The following PCCA variants were observed in gnomAD, a reference collection of about 807,000 sequenced individuals.
The protein encoded by PCCA is propionyl-CoA carboxylase alpha chain, mitochondrial.
Under a neutral mutation model 101.3 loss-of-function variants are expected in PCCA, and 74 were observed. The observed-to-expected ratio is 0.73, with a 90% CI of 0.61 to 0.89. PCCA has a LOEUF of 0.89. Among genes scored for constraint, PCCA ranks in the 40% least tolerant of loss-of-function variants. The probability of loss-of-function intolerance (pLI) is 0.00; values close to 1 mark genes in which losing one functional copy is unlikely to be tolerated. For synonymous variants in PCCA, 294 were observed against 313.6 expected (o/e 0.94, Z 0.66); for missense variants, 891 against 907.0 (o/e 0.98, Z 0.23).
chr13:100,100,710 C>G (rs548489827), intron 1 of PCCA, among the ~76,000 whole-genome samples: 2 of 152,194 alleles, frequency 1.3e-5, no homozygotes, highest in Non-Finnish European at 2.9e-5. Flanking sequence ...CAAACCAGTT[C>G]AGACTTGTCG....
intron 6 of PCCA, among the ~76,000 whole-genome samples, chr13:100,161,855 C>T (rs886232270): frequency 1.3e-5 from 2 of 152,102 alleles, no homozygotes; most frequent in African/African-American, 2.4e-5. Flanking sequence ...ATTTTAATGA[C>T]ATAAATTTTC....
At chr13:100,100,360 G>A (rs966604701) in intron 1 of PCCA, among the ~76,000 whole-genome samples, 1 of 152,144 alleles carries the variant, frequency 6.6e-6, no homozygotes, top group Non-Finnish European at 1.5e-5. Context: ...TTTTGCACAC[G>A]CTGACCTCTC....
chr13:100,507,392 G>A (rs906909480), intron 21 of PCCA, among the ~76,000 whole-genome samples: 1 of 152,138 alleles, frequency 6.6e-6, no homozygotes, highest in Non-Finnish European at 1.5e-5. Context: ...CTCCAGGTAG[G>A]CTGCTGTCAT....
intron 20 of PCCA, among the ~76,000 whole-genome samples, chr13:100,437,311 T>A (rs2152910249): frequency 6.6e-6 from 1 of 152,302 alleles, no homozygotes; most frequent in East Asian, 1.9e-4. Flanking sequence ...TGGATAACTT[T>A]GAATATGGAG....
At chr13:100,181,056 G>A (rs1216202052) in intron 6 of PCCA, among the ~76,000 whole-genome samples, 1 of 152,176 alleles carries the variant, frequency 6.6e-6, no homozygotes, top group African/African-American at 2.4e-5. Flanking sequence ...CCACCACCTT[G>A]TGAATGAGAG....
intron 6 of PCCA, among the ~76,000 whole-genome samples, chr13:100,188,675 GC>G (rs879638684): frequency 6.6e-6 from 1 of 152,176 alleles, no homozygotes; most frequent in Non-Finnish European, 1.5e-5. Flanking sequence ...ATTCCCAATA[GC>G]AGTGTAAAAG....
rs550317879 is a variant in PCCA, at chr13:100,091,146, T to C, written c.105+1921T>C. ...TGGCAGGAGTCAGACCATCTGGCTC[T>C]TATAGATCACATTATGAGGTTTGGT... is the stretch of plus-strand genomic sequence containing the variant. On this transcript the variant is annotated intron_variant, in intron 1 of 23. Coordinates refer to ENST00000376285, the MANE Select transcript of PCCA (RefSeq NM_000282.4). 3.9e-5 allele frequency among the ~76,000 whole-genome samples: 6 copies of C among 152,204 alleles called. No individual in the cohort carries two copies. The East Asian group carries it at 9.7e-4, about 25-fold the overall frequency.
intron 22 of PCCA, among the ~76,000 whole-genome samples, chr13:100,520,905 T>G (rs111257273): frequency 2.0e-4 from 31 of 152,136 alleles, no homozygotes; most frequent in African/African-American, 7.2e-4. Context: ...TTTCTTTGTT[T>G]TCAACATTTT....
intron 20 of PCCA, among the ~76,000 whole-genome samples, chr13:100,449,025 T>C (rs538595037): frequency 6.6e-6 from 1 of 152,380 alleles, no homozygotes; most frequent in East Asian, 1.9e-4. Flanking sequence ...ACATCTCTTA[T>C]TAAGTGGAAT....
chr13:100,523,028 T>C (rs1289351243), intron 22 of PCCA, among the ~76,000 whole-genome samples: 3 of 152,218 alleles, frequency 2.0e-5, no homozygotes, highest in Non-Finnish European at 4.4e-5. Flanking sequence ...TTTTCCCCCG[T>C]TCTCTTCTTT....
chr13:100,463,347 T>G (rs1328046063), intron 21 of PCCA, among the ~76,000 whole-genome samples: 4 of 149,378 alleles, frequency 2.7e-5, no homozygotes, highest in South Asian at 2.1e-4. Flanking sequence ...TTTTTTTTTT[T>G]TTTTTTTTTT....
At chr13:100,465,338 G>T (rs2082433833) in intron 21 of PCCA, among the ~76,000 whole-genome samples, 1 of 152,166 alleles carries the variant, frequency 6.6e-6, no homozygotes, top group South Asian at 2.1e-4. Context: ...CAGTGTTCTG[G>T]ATCCTTTTCA....
At chr13:100,409,224 G>A in intron 19 of PCCA, among the ~76,000 whole-genome samples, 1 of 152,180 alleles carries the variant, frequency 6.6e-6, no homozygotes, top group East Asian at 1.9e-4. Flanking sequence ...TCCACCCTCA[G>A]AAATCTCAGG....
intron 6 of PCCA, among the ~76,000 whole-genome samples, chr13:100,196,885 C>T (rs1369778780): frequency 1.3e-5 from 2 of 152,130 alleles, no homozygotes; most frequent in African/African-American, 4.8e-5. Flanking sequence ...TTTTAATTTA[C>T]AATGAGCTGG....
intron 21 of PCCA, among the ~76,000 whole-genome samples, chr13:100,504,303 A>G (rs1364985106): frequency 2.0e-5 from 3 of 152,240 alleles, no homozygotes; most frequent in African/African-American, 4.8e-5. Context: ...AGATAGGACA[A>G]CGTTCCAAGT....
chr13:100,359,783 A>C (rs1272491429), intron 18 of PCCA, among the ~76,000 whole-genome samples: 1 of 152,226 alleles, frequency 6.6e-6, no homozygotes, highest in Non-Finnish European at 1.5e-5. Context: ...ACACTTTATG[A>C]AATAAATTAA....
intron 21 of PCCA, among the ~76,000 whole-genome samples, chr13:100,498,864 A>G (rs112550237): frequency 3.3e-5 from 5 of 152,174 alleles, no homozygotes; most frequent in Non-Finnish European, 7.3e-5. Flanking sequence ...AGGTAGTTTA[A>G]TGATTCATCT....
chr13:100,285,737 G>A (rs774104334), intron 12 of PCCA, among the ~76,000 whole-genome samples: 7 of 152,112 alleles, frequency 4.6e-5, no homozygotes, highest in Non-Finnish European at 1.0e-4. Flanking sequence ...AATTGACCAT[G>A]ACTGCCAACA....
Position 100,268,081 on chromosome 13 carries a change from C to T in PCCA, c.820-608C>T, listed in dbSNP as rs147225418. On this transcript the variant is annotated intron_variant, in intron 10 of 23. Transcript: ENST00000376285. Reference sequence around the variant, plus strand: ...TGCTCCAGTGACTGTTTCCTTTGAGCGTGATGTCAAAAAATTTCAGCTTTT... The same window carrying T: ...TGCTCCAGTGACTGTTTCCTTTGAGTGTGATGTCAAAAAATTTCAGCTTTT... Among the ~76,000 whole-genome samples the T allele has an allele frequency of 2.2e-3, 337 of 152,162 alleles. 1 individual carries two copies. Among genetic ancestry groups the T allele is most frequent in the Non-Finnish European group, 4.1e-3 (276 of 67,992 alleles).
Sources: gnomAD v4.1 joint callset for allele counts (sites outside exome capture counted in the v4.1 genomes callset) on GRCh38, gnomAD v4.1.1 for gene constraint, MANE v1.5 for transcripts, NCBI Gene and HGNC (gene_info 2026-07-23, HGNC 2026-07-21) for gene names.